The following KCNIP1 variants were observed in gnomAD, a reference collection of about 807,000 sequenced individuals.
The protein encoded by KCNIP1 is potassium voltage-gated channel interacting protein 1.
A neutral mutation model predicts 33.0 loss-of-function variants in KCNIP1; 18 were observed. The ratio of observed to expected loss-of-function variants is 0.55; its 90% CI spans 0.38 to 0.81. KCNIP1 has a LOEUF of 0.81. KCNIP1 is among the 30% of genes least tolerant of loss of function. The pLI is 0.00. For synonymous variants in KCNIP1, 93 were observed against 98.3 expected (o/e 0.95, Z 0.32); for missense variants, 238 against 271.6 (o/e 0.88, Z 0.87).
chr5:170,623,741 G>C (rs1206879144), intron 1 of KCNIP1, among the ~76,000 whole-genome samples: 1 of 152,170 alleles, frequency 6.6e-6, no homozygotes, highest in Non-Finnish European at 1.5e-5. Flanking sequence ...GCGTGACGGC[G>C]CTGCCCCCTT....
At chr5:170,485,640 C>T (rs1472746410) in intron 1 of KCNIP1, among the ~76,000 whole-genome samples, 1 of 152,218 alleles carries the variant, frequency 6.6e-6, no homozygotes, top group Non-Finnish European at 1.5e-5. Flanking sequence ...GCTTCACTTC[C>T]CTTCCCAAAG....
Position 170,374,859 on chromosome 5 carries a change from T to C in KCNIP1, c.88+20895T>C, listed in dbSNP as rs934137424. 2.6e-5 allele frequency: 4 copies of C among 152,180 alleles called. No homozygotes were observed. The East Asian group carries it at 7.7e-4, about 29-fold the overall frequency. The allele number at this position is 152,180 out of a possible 1,614,324, so 9.4% of individuals were successfully genotyped here. On this transcript the variant is annotated intron_variant, in intron 1 of 7. Coordinates refer to the KCNIP1 transcript ENST00000377360. ...TGGCATTTGCTAGAAGGCCAGTCTTTATTGACAGGAGGAGAACATCTATCT... is the reference window on the plus strand; with the variant it reads ...TGGCATTTGCTAGAAGGCCAGTCTTCATTGACAGGAGGAGAACATCTATCT...
chr5:170,706,760 T>C (rs920992666), intron 1 of KCNIP1, among the ~76,000 whole-genome samples: 5 of 152,192 alleles, frequency 3.3e-5, no homozygotes, highest in Non-Finnish European at 7.3e-5. Flanking sequence ...TTTTTCCGTC[T>C]TAAAACTAAA....
chr5:170,712,982 G>A, intron 1 of KCNIP1: 1 of 976,748 alleles, frequency 1.0e-6, no homozygotes, highest in African/African-American at 1.6e-5. Context: ...GTCTTCTCAT[G>A]CACCAGCTTT....
At chr5:170,413,425 G>A (rs956369243) in intron 1 of KCNIP1, among the ~76,000 whole-genome samples, 1 of 152,182 alleles carries the variant, frequency 6.6e-6, no homozygotes. Flanking sequence ...GCAGCTGTGT[G>A]GTACTAGAAA....
At chr5:170,582,795 G>A (rs1757846453) in intron 1 of KCNIP1, among the ~76,000 whole-genome samples, 1 of 152,182 alleles carries the variant, frequency 6.6e-6, no homozygotes, top group Non-Finnish European at 1.5e-5. Flanking sequence ...AATTGGGGAA[G>A]AGCCAGAGGC....
chr5:170,729,290 C>G (rs1215296153), intron 5 of KCNIP1, among the ~76,000 whole-genome samples: 4 of 151,894 alleles, frequency 2.6e-5, no homozygotes, highest in African/African-American at 9.7e-5. Flanking sequence ...TCAAAAAATA[C>G]CATAAACAAA....
chr5:170,385,681 G>A (rs970309272), intron 1 of KCNIP1, among the ~76,000 whole-genome samples: 6 of 141,000 alleles, frequency 4.3e-5, no homozygotes, highest in South Asian at 2.3e-4. Flanking sequence ...AAAGACCTAC[G>A]GCTCAGAGAG....
At chr5:170,510,739 A>C (rs1271375299) in intron 1 of KCNIP1, among the ~76,000 whole-genome samples, 1 of 152,152 alleles carries the variant, frequency 6.6e-6, no homozygotes, top group Non-Finnish European at 1.5e-5. Flanking sequence ...GGCCAGACTA[A>C]AAGCCTCATT....
intron 1 of KCNIP1, among the ~76,000 whole-genome samples, chr5:170,414,556 G>A (rs1329906934): frequency 6.6e-6 from 1 of 152,188 alleles, no homozygotes; most frequent in Non-Finnish European, 1.5e-5. Flanking sequence ...CCACCACGTG[G>A]CTGCGCTGGA....
intron 1 of KCNIP1, among the ~76,000 whole-genome samples, chr5:170,569,354 T>A (rs1436041994): frequency 6.6e-6 from 1 of 152,196 alleles, no homozygotes; most frequent in Non-Finnish European, 1.5e-5. Flanking sequence ...TCCAGAAACA[T>A]GAATTCTTTT....
chr5:170,414,392 T>C (rs1201943344), intron 1 of KCNIP1, among the ~76,000 whole-genome samples: 1 of 152,260 alleles, frequency 6.6e-6, no homozygotes, highest in East Asian at 1.9e-4. Context: ...CCTACACTTG[T>C]GCCGATCAAT....
chr5:170,586,868 G>T (rs1257591040), intron 1 of KCNIP1, among the ~76,000 whole-genome samples: 2 of 152,224 alleles, frequency 1.3e-5, no homozygotes, highest in Non-Finnish European at 2.9e-5. Flanking sequence ...GGATTGAGCA[G>T]TGTCTCTATG....
intron 1 of KCNIP1, among the ~76,000 whole-genome samples, chr5:170,558,248 T>C (rs1438064398): frequency 6.6e-6 from 1 of 152,224 alleles, no homozygotes; most frequent in Non-Finnish European, 1.5e-5. Context: ...GTCAGAAGGC[T>C]TAAACTGAGC....
At chr5:170,603,505 G>C (rs535410168) in intron 1 of KCNIP1, among the ~76,000 whole-genome samples, 1 of 152,188 alleles carries the variant, frequency 6.6e-6, no homozygotes, top group African/African-American at 2.4e-5. Context: ...TGCCAACCCC[G>C]GATGCACAGA....
intron 1 of KCNIP1, among the ~76,000 whole-genome samples, chr5:170,469,802 T>G (rs1226443852): frequency 6.6e-6 from 1 of 152,230 alleles, no homozygotes; most frequent in Non-Finnish European, 1.5e-5. Flanking sequence ...TCCATTGATC[T>G]CTCTGTCCTT....
At chr5:170,582,875 G>A (rs142520692) in intron 1 of KCNIP1, among the ~76,000 whole-genome samples, 2 of 152,270 alleles carry the variant, frequency 1.3e-5, no homozygotes, top group East Asian at 3.9e-4. Context: ...GAATTACATG[G>A]GAGCAAACTG....
chr5:170,464,964 G>A (rs932949861), intron 1 of KCNIP1, among the ~76,000 whole-genome samples: 21 of 152,178 alleles, frequency 1.4e-4, no homozygotes, highest in Non-Finnish European at 3.1e-4. Context: ...GCAAGCTCCA[G>A]AGCTCCCATA....
intron 1 of KCNIP1, among the ~76,000 whole-genome samples, chr5:170,423,210 A>T (rs1186986147): frequency 6.6e-6 from 1 of 152,170 alleles, no homozygotes; most frequent in Non-Finnish European, 1.5e-5. Flanking sequence ...TCCAAATTTC[A>T]CAAAGATAGT....
Sources: allele counts gnomAD v4.1 joint callset (sites outside exome capture counted in the v4.1 genomes callset), GRCh38; gene constraint gnomAD v4.1.1; transcripts MANE v1.5; gene names NCBI Gene and HGNC (gene_info 2026-07-23, HGNC 2026-07-21).